The following RREB1 variants were observed in gnomAD, a reference collection of about 807,000 sequenced individuals.
RREB1 encodes ras responsive element binding protein 1, also known as ras-responsive element-binding protein 1.
Under a neutral mutation model 117.8 loss-of-function variants are expected in RREB1, and 27 were observed. The observed-to-expected ratio is 0.23, with a 90% confidence interval of 0.17 to 0.32. The LOEUF (loss-of-function observed/expected upper bound fraction) is 0.32. Among genes scored for constraint, RREB1 ranks in the 10% least tolerant of loss-of-function variants. The probability of loss-of-function intolerance (pLI) is 1.00; values close to 1 mark genes in which losing one functional copy is unlikely to be tolerated. For missense variants in RREB1, 2,577 were observed against 2,378.2 expected (o/e 1.08, Z -1.74); for synonymous variants, 1,298 against 1,026.7 (o/e 1.26, Z -5.05).
intron 12 of RREB1, among the ~76,000 whole-genome samples, chr6:7,247,817 A>G (rs1005145941): frequency 3.3e-5 from 5 of 152,204 alleles, no homozygotes; most frequent in African/African-American, 1.2e-4. Context: ...ACTTTGACAC[A>G]AAGACCTGAA....
intron 8 of RREB1, chr6:7,218,243 G>A (rs895343189): frequency 6.6e-6 from 1 of 152,202 alleles, no homozygotes; most frequent in Non-Finnish European, 1.5e-5. Flanking sequence ...TTGTGAGGAG[G>A]TCAGATATCT....
chr6:7,174,883 A>G (rs1764422212), intron 1 of RREB1, among the ~76,000 whole-genome samples: 1 of 152,188 alleles, frequency 6.6e-6, no homozygotes, highest in Non-Finnish European at 1.5e-5. Flanking sequence ...TGCTGGGATT[A>G]TAGATGTGAG....
intron 12 of RREB1, 94 bp downstream of exon 12, chr6:7,247,315 G>A: frequency 6.0e-6 from 7 of 1,163,486 alleles, no homozygotes; most frequent in South Asian, 3.2e-5. Flanking sequence ...GGAGGCCACC[G>A]AGAGAACGTT....
chr6:7,180,823 C>T (rs1764752976), intron 2 of RREB1, among the ~76,000 whole-genome samples: 1 of 152,114 alleles, frequency 6.6e-6, no homozygotes, highest in Non-Finnish European at 1.5e-5. Flanking sequence ...GACTGAGGCA[C>T]AGTGTGAAAG....
At chr6:7,114,480 C>T (rs1221545640) in intron 1 of RREB1, among the ~76,000 whole-genome samples, 5 of 129,246 alleles carry the variant, frequency 3.9e-5, no homozygotes, top group South Asian at 2.3e-4. Context: ...GGGGGGGGGG[C>T]GGCAGCGGGG....
chr6:7,151,328 C>T, intron 1 of RREB1, among the ~76,000 whole-genome samples: 1 of 152,126 alleles, frequency 6.6e-6, no homozygotes, highest in African/African-American at 2.4e-5. Flanking sequence ...TGAAATGTTA[C>T]TTGATTGCTG....
Position 7,229,547 on chromosome 6 carries a change from A to G in RREB1, c.1448A>G (p.Gln483Arg). ...ILKMAASAPPQISLPPFSKAP... is the reference protein window; with the variant it reads ...ILKMAASAPPRISLPPFSKAP... ...AAGATGGCAGCCTCGGCTCCCCCTC[A>G]GATCAGTCTTCCGCCCTTCTCCAAG... The change falls in exon 10 of 13, where the codon CAG (glutamine) becomes CGG (arginine). Residue 483 changes from glutamine to arginine, a missense_variant. Coordinates refer to ENST00000379938, the MANE Select transcript of RREB1 (RefSeq NM_001003699.4). This position sits in a 1 kb window ranked among gnomAD's most constrained non-coding sequence, Gnocchi z 4.5. 1 of 1,613,838 alleles carries G rather than the reference A, an allele frequency of 6.2e-7. No homozygotes were observed. The highest frequency in any genetic ancestry group is 8.5e-7 in the Non-Finnish European group (1 of 1,179,950).
intron 11 of RREB1, 120 bp downstream of exon 11, chr6:7,240,722 C>T: frequency 1.2e-6 from 1 of 821,076 alleles, no homozygotes; most frequent in Non-Finnish European, 1.9e-6. Context: ...CTGTAGGATT[C>T]AGAGCCCACA....
At chr6:7,236,887 G>GGT (rs1164995314) in intron 10 of RREB1, among the ~76,000 whole-genome samples, 7 of 63,424 alleles carry the variant, frequency 1.1e-4, no homozygotes, top group African/African-American at 4.1e-4. Context: ...GTTTTTGGAG[G>GGT]TTTTTTTTTT....
In RREB1 at chr6:7,130,544, A is replaced by G. The variant is rs536326620; in HGVS notation, c.-285+22484A>G. Among the ~76,000 whole-genome samples, 444 of 151,946 alleles carry G rather than the reference A, an allele frequency of 2.9e-3. 2 individuals are homozygous for G. Among genetic ancestry groups the G allele is most frequent in the Admixed American group, 4.9e-3 (75 of 15,272 alleles). On this transcript the variant is annotated intron_variant, in intron 1 of 12. Transcript: ENST00000379938. ...AATTGCTTTTCCCAGCTGTTTCTCTATAGCTTTAGTCATGGGGTTCACTAG... is the reference window on the plus strand; with the variant it reads ...AATTGCTTTTCCCAGCTGTTTCTCTGTAGCTTTAGTCATGGGGTTCACTAG...
Position 7,200,276 on chromosome 6 carries a change from G to A in RREB1, c.426-10528G>A, listed in dbSNP as rs1362350987. ...TGTGTGTGTGTGTGTGTGTGTGTGT[G>A]TGTGTATTTTTTTTTTTTTCTTTTT... is the stretch of plus-strand genomic sequence containing the variant. On this transcript the variant is annotated intron_variant, in intron 6 of 12. Transcript: ENST00000379938. Among the ~76,000 whole-genome samples the A allele has an allele frequency of 7.3e-3, 833 of 113,766 alleles. 6 individuals are homozygous for A. Among genetic ancestry groups the A allele is most frequent in the African/African-American group, 0.028 (497 of 17,726 alleles). 74.6% of individuals were successfully genotyped at this position (113,766 alleles called of 152,430 possible).
intron 4 of RREB1, chr6:7,184,787 C>T (rs913888172): frequency 3.3e-5 from 5 of 151,490 alleles, no homozygotes; most frequent in Non-Finnish European, 5.9e-5. Flanking sequence ...ACAAATTTGT[C>T]TCCCTGTGGC....
At position 7,211,347 on chromosome 6, in the gene RREB1, GAT is replaced by G. The variant is rs1490801300; in HGVS notation, c.571-225_571-224del. Among the ~76,000 whole-genome samples the G allele has an allele frequency of 8.3e-3, 1,189 of 143,208 alleles. 19 individuals are homozygous for G. Among genetic ancestry groups the G allele is most frequent in the African/African-American group, 0.032 (1,107 of 34,220 alleles). 94.0% of individuals were successfully genotyped at this position (143,208 alleles called of 152,430 possible). On this transcript the variant is annotated intron_variant, in intron 7 of 12. Transcript: ENST00000379938. The stretch of plus-strand genomic sequence containing the variant: ...GGATGGATGGATGGACAGATGGATG[GAT>G]GGATGGATGGATGGATGGATGGATG...
chr6:7,199,622 G>T (rs1157179904), intron 6 of RREB1, among the ~76,000 whole-genome samples: 2 of 151,862 alleles, frequency 1.3e-5, no homozygotes, highest in Non-Finnish European at 2.9e-5. Context: ...ACATATATAT[G>T]TGTGTGTGCT....
chr6:7,109,096 C>T (rs1332780608), intron 1 of RREB1, among the ~76,000 whole-genome samples: 1 of 151,714 alleles, frequency 6.6e-6, no homozygotes, highest in African/African-American at 2.4e-5. Flanking sequence ...CGGGGCCGGC[C>T]GCCGGGGCCC....
At chr6:7,117,511 A>G (rs909370691) in intron 1 of RREB1, among the ~76,000 whole-genome samples, 3 of 146,434 alleles carry the variant, frequency 2.0e-5, no homozygotes, top group Non-Finnish European at 3.0e-5. Flanking sequence ...CCCAGGTTCA[A>G]GCGATTCTCT....
chr6:7,142,666 G>GGGCTAGCT (rs1554117399), intron 1 of RREB1, among the ~76,000 whole-genome samples: 1 of 152,246 alleles, frequency 6.6e-6, no homozygotes, highest in African/African-American at 2.4e-5. Context: ...GAGCCACGTG[G>GGGCTAGCT]GGCTAGCTTA....
rs374202026 is a variant in RREB1 at position 7,229,812 on chromosome 6, C to G, written c.1713C>G (p.Pro571=). Reference sequence around the variant, plus strand: ...TGCAGTCCAAGTCCGGGACCCAGCCCCACGCGGCCACGCGGCTCTCCCTGC... The same window carrying G: ...TGCAGTCCAAGTCCGGGACCCAGCCGCACGCGGCCACGCGGCTCTCCCTGC... ...HLLQSKSGTQ[P]HAATRLSLQQ... The change falls in exon 10 of 13, where the codon CCC becomes CCG. Residue 571 remains proline, a synonymous_variant. Transcript: ENST00000379938. This position sits in a 1 kb window ranked among gnomAD's most constrained non-coding sequence, Gnocchi z 4.5. The G allele has an allele frequency of 1.2e-3, 2,003 of 1,609,850 alleles. 3 individuals are homozygous for G. The highest frequency in any genetic ancestry group is 1.5e-3 in the Non-Finnish European group (1,740 of 1,178,436).
rs1326827931 is a variant in RREB1, at chr6:7,211,722, G to A, written c.707+13G>A. 6.2e-7 allele frequency: 1 copy of A among 1,613,756 alleles called. No individual in the cohort carries two copies. The highest frequency in any genetic ancestry group is 1.7e-5 in the Admixed American group (1 of 60,026). ...ATAACCCACTAAGGTAGGAGAAAGA[G>A]TGAACTAGACCTTGTTCATTCCTGT... On this transcript the variant is annotated intron_variant, in intron 8 of 12. Coordinates refer to ENST00000379938, the MANE Select transcript of RREB1 (RefSeq NM_001003699.4).
Sources: gnomAD v4.1 joint callset for allele counts (sites outside exome capture counted in the v4.1 genomes callset) on GRCh38, gnomAD v4.1.1 for gene constraint, Gnocchi (gnomAD v3.1) non-coding constraint, MANE v1.5 for transcripts, NCBI Gene and HGNC (gene_info 2026-07-23, HGNC 2026-07-21) for gene names.